Variants in IQCM observed in about 807,000 individuals in gnomAD.
IQCM encodes IQ domain-containing protein M.
IQCM carries 45 observed loss-of-function variants against 57.6 expected under a neutral mutation model. The ratio of observed to expected loss-of-function variants is 0.78; its 90% confidence interval spans 0.62 to 1.00. The LOEUF is 1.00. Ranked by LOEUF, IQCM falls within the 50% of genes least tolerant of loss-of-function variation. The pLI is 0.00. For missense variants in IQCM, 468 were observed against 511.6 expected (o/e 0.91, Z 0.82); for synonymous variants, 148 against 158.9 (o/e 0.93, Z 0.51).
chr4:149,682,658 TA>T (rs888347201), intron 6 of IQCM, among the ~76,000 whole-genome samples: 6 of 151,138 alleles, frequency 4.0e-5, no homozygotes, highest in Non-Finnish European at 8.9e-5. Flanking sequence ...CCCCTAATCT[TA>T]TTACCCTGAT....
At chr4:149,387,130 T>A (rs2111063923) in intron 13 of IQCM, among the ~76,000 whole-genome samples, 1 of 152,108 alleles carries the variant, frequency 6.6e-6, no homozygotes, top group South Asian at 2.1e-4. Flanking sequence ...CACGGGGAAG[T>A]CCAAGATCAA....
At chr4:149,403,388 CA>C (rs1732752658) in intron 13 of IQCM, among the ~76,000 whole-genome samples, 1 of 151,922 alleles carries the variant, frequency 6.6e-6, no homozygotes, top group Non-Finnish European at 1.5e-5. Flanking sequence ...TCCTTGAAAA[CA>C]AGGGCTGAAT....
intron 12 of IQCM, among the ~76,000 whole-genome samples, chr4:149,481,701 G>GTTGTTGTTTTTTTTTTTTT (rs1740816388): frequency 3.9e-5 from 2 of 51,550 alleles, no homozygotes; most frequent in African/African-American, 1.5e-4. Context: ...TTCCAGTTTT[G>GTTGTTGTTTTTTTTTTTTT]TTTTTTTTTT....
intron 13 of IQCM, among the ~76,000 whole-genome samples, chr4:149,392,573 T>C: frequency 6.6e-6 from 1 of 152,006 alleles, no homozygotes; most frequent in East Asian, 1.9e-4. Flanking sequence ...ACCTAAGTTT[T>C]TCCCTCATGA....
At chr4:149,665,110 G>A (rs1246004129) in intron 7 of IQCM, among the ~76,000 whole-genome samples, 1 of 152,152 alleles carries the variant, frequency 6.6e-6, no homozygotes, top group Non-Finnish European at 1.5e-5. Context: ...CAAATGGAAA[G>A]AGTCAGTGGC....
intron 12 of IQCM, among the ~76,000 whole-genome samples, chr4:149,492,085 C>T (rs571812031): frequency 6.6e-6 from 1 of 151,958 alleles, no homozygotes; most frequent in South Asian, 2.1e-4. Context: ...GATCTTCTGC[C>T]CATTTTCTTA....
intron 9 of IQCM, among the ~76,000 whole-genome samples, chr4:149,568,969 C>T (rs985679261): frequency 6.6e-6 from 1 of 152,086 alleles, no homozygotes; most frequent in African/African-American, 2.4e-5. Context: ...ATCGGTCTAG[C>T]CAATAGAATC....
intron 12 of IQCM, among the ~76,000 whole-genome samples, chr4:149,462,464 G>A (rs1396300859): frequency 6.6e-6 from 1 of 152,180 alleles, no homozygotes; most frequent in Non-Finnish European, 1.5e-5. Context: ...AGGATGGAGT[G>A]TTAGAGGAAT....
intron 9 of IQCM, among the ~76,000 whole-genome samples, chr4:149,583,633 G>C (rs999960534): frequency 1.3e-5 from 2 of 151,560 alleles, no homozygotes; most frequent in Non-Finnish European, 3.0e-5. Context: ...GTTATCTTAA[G>C]GAAAACGTAG....
intron 12 of IQCM, among the ~76,000 whole-genome samples, chr4:149,470,061 T>C (rs1055595469): frequency 2.0e-5 from 3 of 152,098 alleles, no homozygotes; most frequent in African/African-American, 7.2e-5. Context: ...AGAAACTGCA[T>C]CAACTAACGA....
At chr4:149,596,882 A>C (rs1165698339) in intron 8 of IQCM, among the ~76,000 whole-genome samples, 2 of 152,156 alleles carry the variant, frequency 1.3e-5, no homozygotes, top group African/African-American at 4.8e-5. Flanking sequence ...TTTAACCCAC[A>C]CTTCTAAGAA....
chr4:149,698,355 A>ATTT (rs1392293086), intron 5 of IQCM, among the ~76,000 whole-genome samples: 1 of 152,138 alleles, frequency 6.6e-6, no homozygotes, highest in Non-Finnish European at 1.5e-5. Context: ...TTGATTGAAC[A>ATTT]AATATCTCAG....
chr4:149,613,424 C>T (rs2150057698), intron 8 of IQCM, among the ~76,000 whole-genome samples: 1 of 152,096 alleles, frequency 6.6e-6, no homozygotes, highest in South Asian at 2.1e-4. Context: ...TCGATTCTCC[C>T]CATATTCATT....
intron 2 of IQCM, among the ~76,000 whole-genome samples, chr4:149,746,667 A>G (rs533702736): frequency 6.6e-6 from 1 of 152,300 alleles, no homozygotes; most frequent in African/African-American, 2.4e-5. Context: ...GCTTGGTTTG[A>G]CTTCTCTTGG....
intron 12 of IQCM, among the ~76,000 whole-genome samples, chr4:149,469,516 C>T (rs533808410): frequency 1.2e-4 from 18 of 152,212 alleles, no homozygotes; most frequent in Admixed American, 6.5e-4. Context: ...CTGAAAGTGA[C>T]GGGGAGAATG....
At chr4:149,679,236 G>C (rs1283237669) in intron 7 of IQCM, among the ~76,000 whole-genome samples, 1 of 151,606 alleles carries the variant, frequency 6.6e-6, no homozygotes, top group African/African-American at 2.4e-5. Context: ...GTGACAACAT[G>C]GAGGGAACTA....
At chr4:149,743,890 A>G (rs1767687909) in intron 2 of IQCM, among the ~76,000 whole-genome samples, 1 of 152,224 alleles carries the variant, frequency 6.6e-6, no homozygotes, top group African/African-American at 2.4e-5. Context: ...TGGCTTTACA[A>G]TTAGAAATGG....
At chr4:149,555,995 T>C (rs549057866) in intron 10 of IQCM, among the ~76,000 whole-genome samples, 125 of 152,158 alleles carry the variant, frequency 8.2e-4, no homozygotes, top group Non-Finnish European at 1.3e-3. Flanking sequence ...ATCCATGTGG[T>C]TTTTATTACA....
intron 7 of IQCM, among the ~76,000 whole-genome samples, chr4:149,630,471 A>C (rs1327752891): frequency 6.6e-6 from 1 of 152,244 alleles, no homozygotes; most frequent in East Asian, 1.9e-4. Context: ...GGAAAAGTGG[A>C]CACCGAGTGA....
Sources: gnomAD v4.1 joint callset for allele counts (sites outside exome capture counted in the v4.1 genomes callset) on GRCh38, gnomAD v4.1.1 for gene constraint, MANE v1.5 for transcripts, NCBI Gene and HGNC (gene_info 2026-07-23, HGNC 2026-07-21) for gene names.